The following PECAM1 variants were observed in gnomAD, a reference collection of about 807,000 sequenced individuals.
PECAM1 encodes the protein platelet endothelial cell adhesion molecule.
In PECAM1, 8 loss-of-function variants were observed where a neutral mutation model predicts 13.8. The observed-to-expected ratio is 0.58, with a 90% CI of 0.34 to 1.05. The LOEUF (loss-of-function observed/expected upper bound fraction) is 1.05, where lower values mean the gene tolerates loss of function less well. PECAM1 is among the 50% of genes least tolerant of loss of function. PECAM1 has a pLI of 0.03. For missense variants in PECAM1, 304 were observed against 141.2 expected, an observed-to-expected ratio of 2.15 and a Z score of -5.84; for synonymous variants, 136 against 52.6, an observed-to-expected ratio of 2.58 and a Z score of -6.86.
At chr17:64,353,063 T>G (rs2035764596) in intron 10 of PECAM1, among the ~76,000 whole-genome samples, 1 of 152,154 alleles carries the variant, frequency 6.6e-6, no homozygotes, top group Non-Finnish European at 1.5e-5. Flanking sequence ...ACGCTACTGT[T>G]TCTCTCTGGA....
At chr17:64,384,467 A>T (rs2036550564) in intron 2 of PECAM1, among the ~76,000 whole-genome samples, 3 of 152,048 alleles carry the variant, frequency 2.0e-5, no homozygotes, top group Non-Finnish European at 4.4e-5. Flanking sequence ...TAACCAACAA[A>T]ATACTCCATC....
chr17:64,326,726 A>G (rs868974307), intron 15 of PECAM1, among the ~76,000 whole-genome samples: 1 of 152,214 alleles, frequency 6.6e-6, no homozygotes, highest in South Asian at 2.1e-4. Context: ...ACAGGGCCTT[A>G]GGGATTTTGA....
chr17:64,353,518 G>C lies in PECAM1; in HGVS notation c.1889C>G (p.Ala630Gly), dbSNP rs1447490252. ...AKCYFLRKAKAKQMPVEMSRP... is the reference protein window; with the variant it reads ...AKCYFLRKAKGKQMPVEMSRP... ...GGACATTTCCACTGGCATCTGCTTG[G>C]CTTTAAAACAGAAAACGAAAAACCA... is the stretch of plus-strand genomic sequence containing the variant. Residue 630 changes from alanine (A) to glycine (G), a missense_variant and splice_region_variant, in exon 10 of 16, where the codon GCC becomes GGC. Physicochemically the swap from Ala to Gly is moderately conservative, Grantham distance 60 (BLOSUM62 0). Transcript: ENST00000563924. The C allele has an allele frequency of 4.3e-6, 2 of 470,442 alleles. No individual in the cohort carries two copies. Among genetic ancestry groups the C allele is most frequent in the South Asian group, 1.5e-4 (2 of 13,558 alleles). 29.1% of individuals were successfully genotyped at this position (470,442 alleles called of 1,614,324 possible). A position where few individuals can be genotyped will look rare whatever the true frequency, so the allele number is the denominator to read the frequency against.
At chr17:64,362,291 A>G (rs2036000227) in intron 6 of PECAM1, among the ~76,000 whole-genome samples, 2 of 152,228 alleles carry the variant, frequency 1.3e-5, no homozygotes, top group Non-Finnish European at 2.9e-5. Flanking sequence ...TCAAATACCT[A>G]CATTCTGTCC....
chr17:64,371,559 C>T (rs1230880296), intron 4 of PECAM1, among the ~76,000 whole-genome samples: 3 of 152,194 alleles, frequency 2.0e-5, no homozygotes, highest in South Asian at 2.1e-4. Flanking sequence ...GGGTCAGGCA[C>T]GGTGCTCCAC....
At chr17:64,382,721 AT>A (rs1325119194) in intron 2 of PECAM1, among the ~76,000 whole-genome samples, 228 of 143,376 alleles carry the variant, frequency 1.6e-3, no homozygotes, top group East Asian at 1.6e-3. Context: ...GTTTCTAGGG[AT>A]TTTTTTTTTT....
intron 2 of PECAM1, among the ~76,000 whole-genome samples, chr17:64,380,923 G>T (rs2036468440): frequency 6.6e-6 from 1 of 152,140 alleles, no homozygotes; most frequent in African/African-American, 2.4e-5. Context: ...GGAGGCACAG[G>T]TTGCAGTAAG....
At chr17:64,365,426 C>T (rs1301542993) in intron 5 of PECAM1, among the ~76,000 whole-genome samples, 3,977 of 149,726 alleles carry the variant, frequency 0.027, 179 homozygotes, top group African/African-American at 0.091. Flanking sequence ...CAATGCCATC[C>T]CCATCAAGCT....
intron 14 of PECAM1, among the ~76,000 whole-genome samples, chr17:64,340,757 G>A (rs2143728634): frequency 6.6e-6 from 1 of 152,196 alleles, no homozygotes; most frequent in South Asian, 2.1e-4. Context: ...AGGAAATAGA[G>A]CAGATCCGCA....
chr17:64,347,695 T>G (rs1311262918), intron 13 of PECAM1, among the ~76,000 whole-genome samples: 1 of 144,782 alleles, frequency 6.9e-6, no homozygotes, highest in East Asian at 2.0e-4. Flanking sequence ...ATATATGTAT[T>G]TATATTTATA....
intron 4 of PECAM1, among the ~76,000 whole-genome samples, chr17:64,372,251 A>G (rs2036258458): frequency 6.6e-6 from 1 of 152,138 alleles, no homozygotes; most frequent in Admixed American, 6.6e-5. Context: ...CTCTATTTAA[A>G]AAAGAAAGAA....
rs45569031 is a variant in PECAM1 at position 64,390,421 on chromosome 17, A to G, written c.91+68T>C. 3.5e-3 allele frequency: 1,581 copies of G among 450,326 alleles called. 5 individuals carry two copies. Among genetic ancestry groups the G allele is most frequent in the Non-Finnish European group, 4.8e-3 (1,188 of 246,044 alleles). 27.9% of individuals were successfully genotyped at this position (450,326 alleles called of 1,614,324 possible). ...ACCCCAGCAATTTAATGTGCGTTTT[A>G]GGCATCACAGAAGAGAAAGGAGGAA... is the stretch of plus-strand genomic sequence containing the variant. On this transcript the variant is annotated intron_variant, in intron 2 of 15. Coordinates refer to ENST00000563924, the MANE Select transcript of PECAM1 (RefSeq NM_000442.5).
rs782708476 is a variant in PECAM1 at position 64,319,583 on chromosome 17, CT to C, written c.*4232del. On this transcript the variant is annotated 3_prime_UTR_variant, in exon 16 of 16. Coordinates refer to ENST00000563924, the MANE Select transcript of PECAM1 (RefSeq NM_000442.5). ...TTCTGGGATTTACGTCTCATCTCCC[CT>C]GATTCTTCCCTTGCAGCAGGCTGTC... The C allele has an allele frequency of 5.9e-5, 9 of 152,182 alleles. No homozygotes were observed. Among genetic ancestry groups the C allele is most frequent in the Non-Finnish European group, 1.0e-4 (7 of 68,054 alleles). 9.4% of individuals were successfully genotyped at this position (152,182 alleles called of 1,614,324 possible). A position where few individuals can be genotyped will look rare whatever the true frequency, so the allele number is the denominator to read the frequency against.
At position 64,355,064 on chromosome 17, in the gene PECAM1, A is replaced by AT. The variant is rs1367293143; in HGVS notation, c.1781-25dup. The AT allele has an allele frequency of 1.1e-5, 5 of 474,480 alleles. No individual in the cohort carries two copies. The South Asian group carries it at 2.7e-4, about 26-fold the overall frequency. 29.4% of individuals were successfully genotyped at this position (474,480 alleles called of 1,614,324 possible). A position where few individuals can be genotyped will look rare whatever the true frequency, so the allele number is the denominator to read the frequency against. On this transcript the variant is annotated intron_variant, in intron 8 of 15. Coordinates refer to ENST00000563924, the MANE Select transcript of PECAM1 (RefSeq NM_000442.5). Reference sequence around the variant, plus strand: ...GACTGAAAACAAAACAAAACAAAAAATTTTTTTTGTATATAGGCTCTTCCT... The same window carrying AT: ...GACTGAAAACAAAACAAAACAAAAAATTTTTTTTTGTATATAGGCTCTTCCT...
intron 4 of PECAM1, among the ~76,000 whole-genome samples, chr17:64,373,008 A>G (rs1446102832): frequency 4.0e-5 from 6 of 151,474 alleles, no homozygotes; most frequent in Admixed American, 3.9e-4. Context: ...ACTACTCGGG[A>G]GGCTGAGGCA....
At chr17:64,390,235 C>T (rs2036686966) in intron 2 of PECAM1, 1 of 389,056 alleles carries the variant, frequency 2.6e-6, no homozygotes, top group Admixed American at 4.5e-5. Context: ...AACAATTCAT[C>T]AAGATAACCC....
At chr17:64,339,707 G>A (rs2035377177) in intron 14 of PECAM1, among the ~76,000 whole-genome samples, 2 of 152,086 alleles carry the variant, frequency 1.3e-5, no homozygotes, top group Admixed American at 1.3e-4. Context: ...CCAGAGAATT[G>A]GTTTTTCAAA....
chr17:64,390,860 C>T lies in PECAM1; in HGVS notation c.-195G>A, dbSNP rs1420162964. The T allele has an allele frequency of 3.0e-5, 12 of 395,990 alleles. No individual in the cohort carries two copies. In the East Asian group the frequency reaches 3.2e-4, roughly 11 times the overall value. 24.5% of individuals were successfully genotyped at this position (395,990 alleles called of 1,614,324 possible). The stretch of plus-strand genomic sequence containing the variant: ...GGTAATGGCAGCCATGGCTGGAAAC[C>T]GGGAACAATGGGGCCTGGGCTGGCC... On this transcript the variant is annotated 5_prime_UTR_variant, in exon 1 of 16. Coordinates refer to ENST00000563924, the MANE Select transcript of PECAM1 (RefSeq NM_000442.5).
At chr17:64,385,443 C>T (rs1164068265) in intron 2 of PECAM1, among the ~76,000 whole-genome samples, 2 of 152,110 alleles carry the variant, frequency 1.3e-5, no homozygotes, top group Admixed American at 6.5e-5. Flanking sequence ...TGCCCACCCT[C>T]GTCAGGAAAA....
Sources: gnomAD v4.1 joint callset for allele counts (sites outside exome capture counted in the v4.1 genomes callset) on GRCh38, gnomAD v4.1.1 for gene constraint, MANE v1.5 for transcripts, NCBI Gene and HGNC (gene_info 2026-07-23, HGNC 2026-07-21) for gene names.